RTTN: variants seen among roughly 807,000 people sequenced by gnomAD.
The protein encoded by RTTN is rotatin.
RTTN carries 182 observed loss-of-function variants against 269.2 expected under a neutral mutation model. The observed-to-expected ratio is 0.68, with a 90% CI of 0.60 to 0.76. The LOEUF (loss-of-function observed/expected upper bound fraction) is 0.76. RTTN is among the 30% of genes least tolerant of loss of function. The pLI is 0.00. For missense variants in RTTN, 2,545 were observed against 2,608.6 expected (o/e 0.98, Z 0.53); for synonymous variants, 1,006 against 963.5 (o/e 1.04, Z -0.82).
Position 70,020,757 on chromosome 18 carries a change from CCT to C in RTTN, c.6009_6010del (p.Gly2004SerfsTer40), listed in dbSNP as rs1178422404. Reference sequence around the variant, plus strand: ...CAGCATCAGAGAGTTGCTCACGGCTCCTCTATGTGTAGCTTGAACAGGGTGTT... The same window carrying C: ...CAGCATCAGAGAGTTGCTCACGGCTCCTATGTGTAGCTTGAACAGGGTGTT... On this transcript the variant is annotated frameshift_variant, in exon 45 of 49. Coordinates refer to ENST00000640769, the MANE Select transcript of RTTN (RefSeq NM_173630.4). LOFTEE classifies it high-confidence loss of function. 1 of 1,613,920 alleles carries C rather than the reference CCT, an allele frequency of 6.2e-7. No individual in the cohort carries two copies. Among genetic ancestry groups the C allele is most frequent in the African/African-American group, 1.3e-5 (1 of 74,922 alleles).
chr18:70,037,087 A>T (rs1192179592), intron 40 of RTTN, among the ~76,000 whole-genome samples: 1 of 152,218 alleles, frequency 6.6e-6, no homozygotes, highest in East Asian at 1.9e-4. Flanking sequence ...TGGAGAGATC[A>T]TTTAGATCAA....
intron 28 of RTTN, among the ~76,000 whole-genome samples, chr18:70,107,827 C>T (rs2059361384): frequency 6.6e-6 from 1 of 152,150 alleles, no homozygotes; most frequent in Admixed American, 6.5e-5. Flanking sequence ...ACTACAGATT[C>T]AGCAGACATT....
At position 70,205,134 on chromosome 18, in the gene RTTN, C is replaced by T; in HGVS notation, c.213G>A (p.Leu71=). 6.2e-7 allele frequency: 1 copy of T among 1,614,110 alleles called. No homozygotes were observed. The highest frequency in any genetic ancestry group is 8.5e-7 in the Non-Finnish European group (1 of 1,179,970). The change falls in exon 2 of 49, where the codon TTG becomes TTA. Residue 71 remains leucine (L), a synonymous_variant. Coordinates refer to ENST00000640769, the MANE Select transcript of RTTN (RefSeq NM_173630.4). ...TATTTCAAAATGACCCTACCTTAACCAATCTGCTTAACAGGTTCAGAACCT... is the reference window on the plus strand; with the variant it reads ...TATTTCAAAATGACCCTACCTTAACTAATCTGCTTAACAGGTTCAGAACCT... The part of the protein sequence containing the change: ...KEEVLNLLSR[L]VKYPPAVQHL...
intron 34 of RTTN, among the ~76,000 whole-genome samples, chr18:70,070,580 T>C (rs1296312099): frequency 6.6e-6 from 1 of 152,224 alleles, no homozygotes; most frequent in African/African-American, 2.4e-5. Context: ...TCAGTTGTAA[T>C]GTTTCATGCC....
At chr18:70,159,355 A>C (rs1000455102) in intron 14 of RTTN, among the ~76,000 whole-genome samples, 1 of 152,238 alleles carries the variant, frequency 6.6e-6, no homozygotes, top group Admixed American at 6.5e-5. Context: ...TAAAGAATGA[A>C]ATTAAGGCAG....
At chr18:70,197,125 C>G (rs1278926318) in intron 6 of RTTN, among the ~76,000 whole-genome samples, 1 of 152,120 alleles carries the variant, frequency 6.6e-6, no homozygotes, top group Non-Finnish European at 1.5e-5. Flanking sequence ...GAGTGTGGAG[C>G]GAGAATGCTG....
intron 26 of RTTN, among the ~76,000 whole-genome samples, chr18:70,121,006 G>A (rs1368035794): frequency 6.6e-6 from 1 of 151,790 alleles, no homozygotes; most frequent in Non-Finnish European, 1.5e-5. Context: ...AGCCAAGATC[G>A]CACCATTGCA....
intron 10 of RTTN, among the ~76,000 whole-genome samples, chr18:70,179,926 C>T (rs918063690): frequency 6.6e-6 from 1 of 152,112 alleles, no homozygotes; most frequent in African/African-American, 2.4e-5. Flanking sequence ...GGCAGGACTA[C>T]TCAGCATCAT....
At chr18:70,130,347 A>C (rs2059966396) in intron 23 of RTTN, 1 of 152,120 alleles carries the variant, frequency 6.6e-6, no homozygotes, top group African/African-American at 2.4e-5. Context: ...TTGTAGCACT[A>C]TTCACAATAA....
chr18:70,067,228 C>T (rs1463943480), intron 34 of RTTN, among the ~76,000 whole-genome samples: 5 of 149,830 alleles, frequency 3.3e-5, no homozygotes, highest in African/African-American at 9.8e-5. Context: ...GGCACGATCT[C>T]GGCTCACTGC....
intron 19 of RTTN, among the ~76,000 whole-genome samples, chr18:70,140,825 A>T (rs533248124): frequency 3.5e-4 from 54 of 152,296 alleles, no homozygotes; most frequent in African/African-American, 9.4e-4. Context: ...CACAAATGTT[A>T]CCGGAACCCA....
chr18:70,122,624 G>A (rs935813984), intron 25 of RTTN, among the ~76,000 whole-genome samples: 2 of 152,078 alleles, frequency 1.3e-5, no homozygotes, highest in East Asian at 1.9e-4. Context: ...ACAGTCACAC[G>A]GCTAGCAAGT....
rs533026054 is a variant in RTTN at position 70,020,504 on chromosome 18, T to C, written c.6153+111A>G. 26 of 1,086,572 alleles carry C rather than the reference T, an allele frequency of 2.4e-5. No individual in the cohort carries two copies. The African/African-American group carries it at 2.7e-4, about 11-fold the overall frequency. 67.3% of individuals were successfully genotyped at this position (1,086,572 alleles called of 1,614,324 possible). A position where few individuals can be genotyped will look rare whatever the true frequency, so the allele number is the denominator to read the frequency against. On this transcript the variant is annotated intron_variant, in intron 45 of 48. Coordinates refer to ENST00000640769, the MANE Select transcript of RTTN (RefSeq NM_173630.4). ...TTAACCCTTTTATAATCCTTTAAAATAAAATGCCTCAAAATCATAATAATC... is the reference window on the plus strand; with the variant it reads ...TTAACCCTTTTATAATCCTTTAAAACAAAATGCCTCAAAATCATAATAATC...
At chr18:70,125,346 A>G (rs551377627) in intron 25 of RTTN, among the ~76,000 whole-genome samples, 2 of 152,142 alleles carry the variant, frequency 1.3e-5, no homozygotes, top group East Asian at 3.9e-4. Flanking sequence ...TCAAAATATA[A>G]TAAGACTTCC....
chr18:70,167,573 A>C (rs1027919797), intron 12 of RTTN, among the ~76,000 whole-genome samples: 7 of 152,038 alleles, frequency 4.6e-5, no homozygotes, highest in Admixed American at 1.3e-4. Flanking sequence ...AATACAAAAA[A>C]TTAGCTGGTT....
rs1157168811 is a variant in RTTN at position 70,204,140 on chromosome 18, G to T, written c.343C>A (p.Leu115Ile). The T allele has an allele frequency of 6.2e-7, 1 of 1,614,058 alleles. No individual in the cohort carries two copies. Among genetic ancestry groups the T allele is most frequent in the South Asian group, 1.1e-5 (1 of 91,080 alleles). The change falls in exon 3 of 49, where the codon CTT becomes ATT. Residue 115 changes from leucine to isoleucine, a missense_variant. Transcript: ENST00000640769. Reference sequence around the variant, plus strand: ...GATAGTGCAGGAACTTCCGAAGGAAGAAGAAAAAGTCCATCCAGAATGCCA... The same window carrying T: ...GATAGTGCAGGAACTTCCGAAGGAATAAGAAAAAGTCCATCCAGAATGCCA... ...IDGILDGLFL[L>I]PSEVPALSSA... is the part of the protein sequence containing the mutation.
rs1462902749 is a variant in RTTN, at chr18:70,057,765, G to T, written c.5008C>A (p.Pro1670Thr). The T allele has an allele frequency of 6.2e-7, 1 of 1,613,720 alleles. No individual in the cohort carries two copies. The highest frequency in any genetic ancestry group is 8.5e-7 in the Non-Finnish European group (1 of 1,179,738). Residue 1670 changes from proline to threonine, a missense_variant, in exon 37 of 49, where the codon CCA (proline) becomes ACA (threonine). Physicochemically the swap from Pro to Thr is conservative, Grantham distance 38. Transcript: ENST00000640769. ...ELRALLPSSPPAEHTQAQVSF... is the reference protein window; with the variant it reads ...ELRALLPSSPTAEHTQAQVSF... ...ACCTGAGCCTGAGTGTGTTCAGCTG[G>T]AGGTGATGAAGGCAGCAGGGCTCTG...
chr18:70,061,352 T>C lies in RTTN; in HGVS notation c.4748-1310A>G, dbSNP rs367958620. The C allele has an allele frequency of 1.2e-4, 56 of 456,136 alleles. No individual in the cohort carries two copies. In the East Asian group the frequency reaches 2.0e-3, roughly 16 times the overall value. The allele number at this position is 456,136 out of a possible 1,614,324, so 28.3% of individuals were successfully genotyped here. A position where few individuals can be genotyped will look rare whatever the true frequency, so the allele number is the denominator to read the frequency against. The stretch of plus-strand genomic sequence containing the variant: ...GATGTTCCAGGTTCATCTTGTTCTT[T>C]CCTCGTCCAAGCTCTAAAATTGGAT... On this transcript the variant is annotated intron_variant, in intron 35 of 48. Transcript: ENST00000640769.
intron 4 of RTTN, among the ~76,000 whole-genome samples, chr18:70,200,637 A>C (rs1022186187): frequency 2.6e-5 from 4 of 152,242 alleles, no homozygotes; most frequent in East Asian, 3.8e-4. Context: ...TTTCCATGAA[A>C]GCTTTTTAAT....
Sources: allele counts gnomAD v4.1 joint callset (sites outside exome capture counted in the v4.1 genomes callset), GRCh38; gene constraint gnomAD v4.1.1; transcripts MANE v1.5; gene names NCBI Gene and HGNC (gene_info 2026-07-23, HGNC 2026-07-21).